The following ATP10B variants were observed in gnomAD, a reference collection of about 807,000 sequenced individuals.
ATP10B encodes phospholipid-transporting ATPase VB.
ATP10B carries 122 observed loss-of-function variants against 141.2 expected under a neutral mutation model. That is an observed-to-expected ratio of 0.86 (90% CI 0.75 to 1.00). The LOEUF (loss-of-function observed/expected upper bound fraction) is 1.00, where lower values mean the gene tolerates loss of function less well. ATP10B is among the 50% of genes least tolerant of loss of function. ATP10B has a pLI of 0.00. For missense variants in ATP10B, 1,876 were observed against 1,825.3 expected, an observed-to-expected ratio of 1.03 and a Z score of -0.51; for synonymous variants, 685 against 692.0, an observed-to-expected ratio of 0.99 and a Z score of 0.16.
At chr5:160,693,126 G>T (rs183784340) in intron 3 of ATP10B, among the ~76,000 whole-genome samples, 110 of 151,986 alleles carry the variant, frequency 7.2e-4, no homozygotes, top group Middle Eastern at 6.8e-3. Flanking sequence ...CAAAATAATT[G>T]TTTATGATTA....
At chr5:160,789,529 A>G (rs1356651515) in intron 1 of ATP10B, among the ~76,000 whole-genome samples, 1 of 152,200 alleles carries the variant, frequency 6.6e-6, no homozygotes, top group Non-Finnish European at 1.5e-5. Context: ...GGTACAATAA[A>G]AATATGGTAG....
the ATP10B span, among the ~76,000 whole-genome samples, chr5:160,870,710 G>T: frequency 2.0e-5 from 3 of 151,692 alleles, no homozygotes; most frequent in South Asian, 2.1e-4. Flanking sequence ...AAGCCAGAAA[G>T]CTCAGAGAAC....
At chr5:160,685,661 C>A (rs1218896680) in intron 6 of ATP10B, among the ~76,000 whole-genome samples, 1 of 152,214 alleles carries the variant, frequency 6.6e-6, no homozygotes, top group African/African-American at 2.4e-5. Context: ...ATAATCCAGC[C>A]ATCCTAGAGT....
intron 2 of ATP10B, among the ~76,000 whole-genome samples, chr5:160,753,021 G>A (rs914477699): frequency 3.9e-5 from 6 of 152,120 alleles, no homozygotes; most frequent in Admixed American, 1.3e-4. Context: ...TTGAAAATCA[G>A]GCATTTAGAA....
chr5:160,691,176 G>T (rs1273610915), intron 3 of ATP10B, among the ~76,000 whole-genome samples: 3 of 152,056 alleles, frequency 2.0e-5, no homozygotes, highest in African/African-American at 4.8e-5. Flanking sequence ...TGGACACAGG[G>T]AGGGGAATAT....
intron 1 of ATP10B, among the ~76,000 whole-genome samples, chr5:160,794,465 C>A (rs1771805420): frequency 2.0e-5 from 3 of 152,130 alleles, no homozygotes; most frequent in Admixed American, 1.3e-4. Flanking sequence ...AAACCAAAGC[C>A]AATCAAAGTC....
chr5:160,650,320 G>A (rs2127689496), intron 7 of ATP10B, among the ~76,000 whole-genome samples: 1 of 152,044 alleles, frequency 6.6e-6, no homozygotes, highest in South Asian at 2.1e-4. Flanking sequence ...CATTACAACT[G>A]TCCCAGCACT....
chr5:160,647,159 A>G (rs1299562174), intron 8 of ATP10B, among the ~76,000 whole-genome samples: 6 of 152,092 alleles, frequency 3.9e-5, no homozygotes, highest in Admixed American at 3.9e-4. Flanking sequence ...CAAACAGATC[A>G]TTGAAAGCTG....
chr5:160,738,124 T>C (rs894033529), intron 2 of ATP10B, among the ~76,000 whole-genome samples: 1 of 152,072 alleles, frequency 6.6e-6, no homozygotes, highest in South Asian at 2.1e-4. Flanking sequence ...TAAAAATTAA[T>C]AGCAATAAGG....
chr5:160,684,451 C>T (rs1270139507), intron 6 of ATP10B, among the ~76,000 whole-genome samples: 3 of 152,218 alleles, frequency 2.0e-5, no homozygotes, highest in African/African-American at 7.2e-5. Context: ...TGTTGTGCTT[C>T]TCCTAACACA....
At chr5:160,616,838 G>A (rs4921155) in intron 16 of ATP10B, among the ~76,000 whole-genome samples, 118,920 of 152,170 alleles carry the variant, frequency 0.78, 46,615 homozygotes, top group East Asian at 0.84. Flanking sequence ...AATAGAAAAT[G>A]GTGGTAAGGG....
chr5:160,704,914 C>CATCTTTTTTTTTTTTTTT (rs1764895267), intron 3 of ATP10B, among the ~76,000 whole-genome samples: 1 of 83,624 alleles, frequency 1.2e-5, no homozygotes, highest in Non-Finnish European at 2.0e-5. Flanking sequence ...TTTCTTTCAT[C>CATCTTTTTTTTTTTTTTT]TTTTTTTTTT....
chr5:160,765,874 C>A (rs959297505), intron 2 of ATP10B, among the ~76,000 whole-genome samples: 1 of 151,872 alleles, frequency 6.6e-6, no homozygotes, highest in African/African-American at 2.4e-5. Context: ...AACAAATAAT[C>A]CCATCAAAAA....
At chr5:160,622,748 C>G (rs536119285) in intron 13 of ATP10B, among the ~76,000 whole-genome samples, 163 bp from the exon 14 acceptor site, 9 of 152,316 alleles carry the variant, frequency 5.9e-5, no homozygotes, top group African/African-American at 2.2e-4. Context: ...TTATTTGAGT[C>G]CTTCCTGCCT....
chr5:160,589,200 C>G (rs562575252), intron 24 of ATP10B, among the ~76,000 whole-genome samples: 2 of 152,008 alleles, frequency 1.3e-5, no homozygotes, highest in Non-Finnish European at 2.9e-5. Flanking sequence ...TTAGTAGAGA[C>G]GGGATTTCAC....
intron 13 of ATP10B, among the ~76,000 whole-genome samples, chr5:160,629,120 C>T (rs1236182512): frequency 6.6e-6 from 1 of 151,860 alleles, no homozygotes; most frequent in African/African-American, 2.4e-5. Context: ...ACTGGTGATT[C>T]CAAGAGATGA....
chr5:160,823,001 C>CATATATATATATATATATATACAT (rs1774262191), intron 1 of ATP10B, among the ~76,000 whole-genome samples: 1 of 34,482 alleles, frequency 2.9e-5, no homozygotes, highest in African/African-American at 9.3e-5. Flanking sequence ...TATATATATA[C>CATATATATATATATATATATACAT]ATATATATAT....
intron 2 of ATP10B, among the ~76,000 whole-genome samples, chr5:160,764,975 T>C (rs572177499): frequency 1.3e-5 from 2 of 151,650 alleles, no homozygotes; most frequent in South Asian, 4.2e-4. Context: ...CTGCAAAAAA[T>C]AAAAAATAAA....
chr5:160,589,796 G>A (rs1756159177), intron 23 of ATP10B, 100 bp from the exon 24 acceptor site: 1 of 830,582 alleles, frequency 1.2e-6, no homozygotes, highest in Non-Finnish European at 2.0e-6. Flanking sequence ...AGTTGTCAAT[G>A]GAGAAGGAGG....
Sources: allele counts gnomAD v4.1 joint callset (sites outside exome capture counted in the v4.1 genomes callset), GRCh38; gene constraint gnomAD v4.1.1; transcripts MANE v1.5; gene names NCBI Gene and HGNC (gene_info 2026-07-23, HGNC 2026-07-21).